ARHGEF9: variants seen among roughly 807,000 people sequenced by gnomAD.
ARHGEF9 encodes rho guanine nucleotide exchange factor 9.
ARHGEF9 carries 2 observed loss-of-function variants against 41.3 expected under a neutral mutation model. The ratio of observed to expected loss-of-function variants is 0.05; its 90% confidence interval spans 0.02 to 0.15. The LOEUF (loss-of-function observed/expected upper bound fraction) is 0.15. ARHGEF9 is among the 10% of genes least tolerant of loss of function. The pLI is 1.00. For synonymous variants in ARHGEF9, 160 were observed against 154.4 expected, an observed-to-expected ratio of 1.04 and a Z score of -0.27; for missense variants, 225 against 424.7, an observed-to-expected ratio of 0.53 and a Z score of 4.13.
At chrX:63,661,843 C>T (rs1397487031) in intron 7 of ARHGEF9, among the ~76,000 whole-genome samples, 1 of 111,354 alleles carries the variant, frequency 9.0e-6, no homozygotes, top group Non-Finnish European at 1.9e-5. Context: ...TTAGTCAATC[C>T]CAATTCCCAA....
At chrX:63,703,978 G>C (rs782799877) in intron 3 of ARHGEF9, among the ~76,000 whole-genome samples, 5 of 111,665 alleles carry the variant, frequency 4.5e-5, no homozygotes, top group Non-Finnish European at 7.5e-5. Context: ...CAAGAGGCCA[G>C]TATAGCTGGA....
Position 63,767,083 on chromosome X carries a change from C to T in ARHGEF9, c.30+18033G>A, listed in dbSNP as rs1437484105. 4.0e-6 allele frequency: 4 copies of T among 1,008,702 alleles called. 1 individual carries two copies. In the South Asian group the frequency reaches 7.6e-5, roughly 19 times the overall value. The allele number at this position is 1,008,702 out of a possible 1,213,427, so 83.1% of individuals were successfully genotyped here. A position where few individuals can be genotyped will look rare whatever the true frequency, so the allele number is the denominator to read the frequency against. On this transcript the variant is annotated intron_variant, in intron 1 of 9. Transcript: ENST00000671741. ...GGAACAGTGATCCACTTTAACAACCCTAAAGTTTAGGCATCTCTAGCAGTG... is the reference window on the plus strand; with the variant it reads ...GGAACAGTGATCCACTTTAACAACCTTAAAGTTTAGGCATCTCTAGCAGTG...
chrX:63,710,842 G>A (rs1396381160), intron 2 of ARHGEF9, among the ~76,000 whole-genome samples: 2 of 109,500 alleles, frequency 1.8e-5, no homozygotes, highest in Non-Finnish European at 3.8e-5. Context: ...AGAGCAATTG[G>A]ACAAAAAAAG....
intron 1 of ARHGEF9, among the ~76,000 whole-genome samples, chrX:63,777,054 T>C (rs1462161701): frequency 8.9e-6 from 1 of 111,906 alleles, no homozygotes; most frequent in African/African-American, 3.2e-5. Flanking sequence ...CCAGGAAGCA[T>C]GTCATGTATT....
At chrX:63,765,456 G>T (rs1410734358) in intron 1 of ARHGEF9, among the ~76,000 whole-genome samples, 2 of 110,411 alleles carry the variant, frequency 1.8e-5, no homozygotes. Context: ...AGCAACCTTA[G>T]CAACCAGCCC....
chrX:63,673,370 T>A (rs1262062054), intron 6 of ARHGEF9, among the ~76,000 whole-genome samples: 1 of 111,361 alleles, frequency 9.0e-6, no homozygotes, highest in African/African-American at 3.3e-5. Context: ...ACTATCAGAT[T>A]GCACAACCTG....
At chrX:63,666,453 T>TACACACACACACACACACACACACAC (rs782805278) in intron 6 of ARHGEF9, among the ~76,000 whole-genome samples, 17 of 81,261 alleles carry the variant, frequency 2.1e-4, no homozygotes, top group African/African-American at 7.8e-4. Flanking sequence ...TATATATACA[T>TACACACACACACACACACACACACAC]ACACACACAC....
chrX:63,765,035 T>A (rs1486556380), intron 1 of ARHGEF9, among the ~76,000 whole-genome samples: 1 of 111,492 alleles, frequency 9.0e-6, no homozygotes, highest in Non-Finnish European at 1.9e-5. Flanking sequence ...TAAATGAAGA[T>A]CTCACCTATT....
At chrX:63,717,134 CT>C (rs1317723979) in intron 2 of ARHGEF9, among the ~76,000 whole-genome samples, 1 of 111,783 alleles carries the variant, frequency 8.9e-6, no homozygotes, top group Non-Finnish European at 1.9e-5. Flanking sequence ...ATTATTATGG[CT>C]TTTTTCCCCA....
chrX:63,714,439 G>A (rs782324179), intron 2 of ARHGEF9, among the ~76,000 whole-genome samples: 1 of 112,209 alleles, frequency 8.9e-6, no homozygotes, highest in South Asian at 3.7e-4. Flanking sequence ...CAGACAGGGG[G>A]ATGCATCAAA....
intron 8 of ARHGEF9, among the ~76,000 whole-genome samples, chrX:63,646,945 C>T (rs1387024568): frequency 9.0e-6 from 1 of 111,261 alleles, no homozygotes; most frequent in African/African-American, 3.3e-5. Context: ...AGTTCCTTCA[C>T]GTCCCTTGTA....
intron 6 of ARHGEF9, among the ~76,000 whole-genome samples, chrX:63,668,644 A>G (rs2049737606): frequency 8.9e-6 from 1 of 112,027 alleles, no homozygotes; most frequent in Non-Finnish European, 1.9e-5. Flanking sequence ...TAAAACATAT[A>G]AAGTGCCTAG....
intron 1 of ARHGEF9, among the ~76,000 whole-genome samples, chrX:63,769,515 G>A (rs1487805292): frequency 8.9e-6 from 1 of 112,302 alleles, no homozygotes; most frequent in Non-Finnish European, 1.9e-5. Context: ...GAAGTTAAAT[G>A]TTAATCCCCA....
At chrX:63,753,543 G>GT (rs536776847) in intron 1 of ARHGEF9, among the ~76,000 whole-genome samples, 3,652 of 96,216 alleles carry the variant, frequency 0.038, 75 homozygotes, top group Non-Finnish European at 0.052. Context: ...TTCTTGTGGG[G>GT]TTTTTTTTTT....
chrX:63,643,391 ACT>A (rs1190800377), intron 9 of ARHGEF9, among the ~76,000 whole-genome samples: 1 of 100,355 alleles, frequency 1.0e-5, no homozygotes, highest in Non-Finnish European at 2.0e-5. Flanking sequence ...ATGTAGTCTC[ACT>A]CTGTTGCCAG....
intron 2 of ARHGEF9, among the ~76,000 whole-genome samples, chrX:63,715,529 T>C (rs1461729624): frequency 8.9e-6 from 1 of 112,304 alleles, no homozygotes; most frequent in Admixed American, 9.4e-5. Flanking sequence ...CTATGCCATT[T>C]ACTAACAAGT....
chrX:63,737,633 A>G (rs1262117056), intron 1 of ARHGEF9, among the ~76,000 whole-genome samples: 1 of 112,445 alleles, frequency 8.9e-6, no homozygotes, highest in Admixed American at 9.4e-5. Context: ...AGTTCAGACC[A>G]CTGGGTTCAA....
chrX:63,699,684 G>A (rs1748453240), intron 3 of ARHGEF9, among the ~76,000 whole-genome samples: 1 of 111,855 alleles, frequency 8.9e-6, no homozygotes, highest in Non-Finnish European at 1.9e-5. Context: ...TAGGACCTTA[G>A]AATGTTTTAT....
At chrX:63,749,253 A>G (rs2055458743) in intron 1 of ARHGEF9, among the ~76,000 whole-genome samples, 1 of 110,120 alleles carries the variant, frequency 9.1e-6, no homozygotes, top group African/African-American at 3.3e-5. Context: ...TTTTTTTGGG[A>G]CGGACTCTCG....
Sources: gnomAD v4.1 joint callset for allele counts (sites outside exome capture counted in the v4.1 genomes callset) on GRCh38, gnomAD v4.1.1 for gene constraint, MANE v1.5 for transcripts, NCBI Gene and HGNC (gene_info 2026-07-23, HGNC 2026-07-21) for gene names.